Variants in DPYD observed in about 807,000 individuals in gnomAD.
DPYD encodes the protein dihydropyrimidine dehydrogenase [NADP(+)].
Under a neutral mutation model 116.2 loss-of-function variants are expected in DPYD, and 109 were observed. The observed-to-expected ratio is 0.94, with a 90% confidence interval of 0.80 to 1.10. DPYD has a LOEUF of 1.10. Ranked by LOEUF, DPYD falls within the 50% of genes least tolerant of loss-of-function variation. The pLI is 0.00. For missense variants in DPYD, 1,302 were observed against 1,254.5 expected (o/e 1.04, Z -0.57); for synonymous variants, 440 against 432.0 (o/e 1.02, Z -0.23).
intron 13 of DPYD, among the ~76,000 whole-genome samples, chr1:97,515,115 G>A (rs538182815): frequency 4.3e-4 from 65 of 151,916 alleles, no homozygotes; most frequent in South Asian, 4.1e-4. Flanking sequence ...CTTGTATAAA[G>A]CATCTTACTT....
chr1:97,877,003 G>A (rs1671954952), intron 2 of DPYD, among the ~76,000 whole-genome samples: 1 of 152,016 alleles, frequency 6.6e-6, no homozygotes, highest in Non-Finnish European at 1.5e-5. Context: ...GAGGATCAAT[G>A]CCCAGCTCCT....
chr1:97,124,651 A>G (rs2101652750), intron 20 of DPYD, among the ~76,000 whole-genome samples: 1 of 152,222 alleles, frequency 6.6e-6, no homozygotes, highest in South Asian at 2.1e-4. Flanking sequence ...TAGGCACAAA[A>G]TGTTTGGGTT....
chr1:97,287,988 A>G (rs1055658789), intron 18 of DPYD, among the ~76,000 whole-genome samples: 1 of 151,238 alleles, frequency 6.6e-6, no homozygotes, highest in Admixed American at 6.6e-5. Flanking sequence ...AGGATGGAGG[A>G]AGATCTACCA....
chr1:97,722,158 A>G (rs1014131789), intron 4 of DPYD, among the ~76,000 whole-genome samples: 2 of 151,660 alleles, frequency 1.3e-5, no homozygotes, highest in African/African-American at 2.4e-5. Flanking sequence ...TTCTGAAAAA[A>G]GAATGAATAA....
At chr1:97,298,216 T>C (rs1271586854) in intron 18 of DPYD, among the ~76,000 whole-genome samples, 1 of 152,186 alleles carries the variant, frequency 6.6e-6, no homozygotes, top group African/African-American at 2.4e-5. Context: ...GTTCTCAAAG[T>C]GTGGTTCCCA....
At chr1:97,630,984 T>G (rs1484848306) in intron 8 of DPYD, among the ~76,000 whole-genome samples, 1 of 152,104 alleles carries the variant, frequency 6.6e-6, no homozygotes, top group Non-Finnish European at 1.5e-5. Context: ...TTTGTTTCAT[T>G]CCAGGTCCTC....
At chr1:97,838,301 A>G (rs1184325436) in intron 2 of DPYD, among the ~76,000 whole-genome samples, 1 of 152,224 alleles carries the variant, frequency 6.6e-6, no homozygotes, top group Non-Finnish European at 1.5e-5. Context: ...ACTCAGGTTT[A>G]TTATATAAAC....
chr1:97,785,000 T>C lies in DPYD; in HGVS notation c.233+43114A>G, dbSNP rs187129974. On this transcript the variant is annotated intron_variant, in intron 3 of 22. Coordinates refer to ENST00000370192, the MANE Select transcript of DPYD (RefSeq NM_000110.4). ...CAATAAGCTATTTGTAAAATATAAT[T>C]TTTTATAATTTCATGGTGTTCTGAT... Among the ~76,000 whole-genome samples the C allele has an allele frequency of 6.6e-3, 1,002 of 152,300 alleles. 15 individuals are homozygous for C. Among genetic ancestry groups the C allele is most frequent in the African/African-American group, 0.023 (943 of 41,568 alleles).
intron 19 of DPYD, among the ~76,000 whole-genome samples, chr1:97,221,644 A>C (rs915442600): frequency 1.4e-4 from 21 of 152,118 alleles, no homozygotes; most frequent in Non-Finnish European, 2.8e-4. Context: ...CATTGAAAAA[A>C]TTTTAAAACA....
At position 97,490,238 on chromosome 1, in the gene DPYD, C is replaced by T. The variant is rs144409110; in HGVS notation, c.1740+25488G>A. ...TATAGTAGAAATCTCATCTGCTATACCGCTTACTAACAGTTTTATCAAGAA... is the reference window on the plus strand; with the variant it reads ...TATAGTAGAAATCTCATCTGCTATATCGCTTACTAACAGTTTTATCAAGAA... On this transcript the variant is annotated intron_variant, in intron 13 of 22. Coordinates refer to ENST00000370192, the MANE Select transcript of DPYD (RefSeq NM_000110.4). 6.6e-3 allele frequency among the ~76,000 whole-genome samples: 996 copies of T among 151,432 alleles called. 7 individuals are homozygous for T. The highest frequency in any genetic ancestry group is 0.012 in the Non-Finnish European group (790 of 67,820).
chr1:97,149,470 C>T (rs1654864595), intron 20 of DPYD, among the ~76,000 whole-genome samples: 1 of 152,158 alleles, frequency 6.6e-6, no homozygotes, highest in Admixed American at 6.6e-5. Flanking sequence ...CCAGGCTGGC[C>T]TCAAACTCCT....
intron 20 of DPYD, among the ~76,000 whole-genome samples, chr1:97,190,371 T>A (rs1658269095): frequency 6.6e-6 from 1 of 152,108 alleles, no homozygotes; most frequent in Non-Finnish European, 1.5e-5. Context: ...GATTTTTGGA[T>A]CCCTCCATGA....
intron 18 of DPYD, among the ~76,000 whole-genome samples, chr1:97,304,152 G>T (rs1667026651): frequency 6.6e-6 from 1 of 151,930 alleles, no homozygotes; most frequent in Non-Finnish European, 1.5e-5. Flanking sequence ...CTGTCAACAT[G>T]GCAGGCTGGA....
chr1:97,564,043 T>A (rs1652349671), intron 11 of DPYD, among the ~76,000 whole-genome samples: 1 of 152,212 alleles, frequency 6.6e-6, no homozygotes, highest in South Asian at 2.1e-4. Flanking sequence ...GTTAGGTTCC[T>A]GAAAATTCTT....
intron 13 of DPYD, among the ~76,000 whole-genome samples, chr1:97,503,914 T>A (rs921423937): frequency 2.0e-5 from 3 of 152,050 alleles, no homozygotes; most frequent in Non-Finnish European, 4.4e-5. Flanking sequence ...TGCAACAGAA[T>A]ATTAAAATAT....
chr1:97,798,576 C>T (rs1293268385), intron 3 of DPYD, among the ~76,000 whole-genome samples: 2 of 151,692 alleles, frequency 1.3e-5, no homozygotes, highest in Non-Finnish European at 2.9e-5. Flanking sequence ...ACTAATAGTA[C>T]CTACCTCACA....
chr1:97,849,036 C>A (rs533948371), intron 2 of DPYD, among the ~76,000 whole-genome samples: 1 of 151,988 alleles, frequency 6.6e-6, no homozygotes, highest in South Asian at 2.1e-4. Flanking sequence ...TAGCAAAAAA[C>A]AAAACAAACA....
chr1:97,877,237 T>C (rs534620576), intron 2 of DPYD, among the ~76,000 whole-genome samples: 1 of 152,090 alleles, frequency 6.6e-6, no homozygotes, highest in East Asian at 1.9e-4. Context: ...AAATGAAAGA[T>C]GACTCCAAAG....
At chr1:97,883,921 T>C in intron 1 of DPYD, 3 of 444,982 alleles carry the variant, frequency 6.7e-6, no homozygotes, top group Non-Finnish European at 8.6e-6. Flanking sequence ...AATCCTATAT[T>C]TGGTTTTCCA....
Sources: gnomAD v4.1 joint callset for allele counts (sites outside exome capture counted in the v4.1 genomes callset) on GRCh38, gnomAD v4.1.1 for gene constraint, MANE v1.5 for transcripts, NCBI Gene and HGNC (gene_info 2026-07-23, HGNC 2026-07-21) for gene names.